The following NEK10 variants were observed in gnomAD, a reference collection of about 807,000 sequenced individuals.
The protein encoded by NEK10 is NIMA related kinase 10.
In NEK10, 122 loss-of-function variants were observed where a neutral mutation model predicts 159.8. That is an observed-to-expected ratio of 0.76 (90% CI 0.66 to 0.89). The LOEUF is 0.89. NEK10 is among the 40% of genes least tolerant of loss of function. The pLI, the probability that NEK10 is intolerant of heterozygous loss-of-function variation, is 0.00. For missense variants in NEK10, 1,342 were observed against 1,323.1 expected, an observed-to-expected ratio of 1.01 and a Z score of -0.22; for synonymous variants, 466 against 457.1, an observed-to-expected ratio of 1.02 and a Z score of -0.25.
rs140858574 is a variant in NEK10, at chr3:27,364,562, T to C, written c.-38+4663A>G. On this transcript the variant is annotated intron_variant, in intron 1 of 35. Coordinates refer to ENST00000691995, the MANE Select transcript of NEK10 (RefSeq NM_001394966.1). ...TTTTAAATCATTTGTCTATATTCAT[T>C]GACTTTGACTCATTAATGAAAAATA... 7.6e-3 allele frequency among the ~76,000 whole-genome samples: 1,160 copies of C among 152,334 alleles called. 21 individuals are homozygous for C. The highest frequency in any genetic ancestry group is 0.026 in the African/African-American group (1,084 of 41,568).
At chr3:27,152,456 C>T (rs899887545) in intron 30 of NEK10, among the ~76,000 whole-genome samples, 4 of 152,084 alleles carry the variant, frequency 2.6e-5, no homozygotes, top group African/African-American at 4.8e-5. Context: ...GAGAATTCAC[C>T]ACTACCAAGC....
chr3:27,278,789 G>C, intron 22 of NEK10: 1 of 985,298 alleles, frequency 1.0e-6, no homozygotes, highest in Non-Finnish European at 1.2e-6. Context: ...TGGGTTCAAG[G>C]GTAAGTTCAG....
intron 32 of NEK10, among the ~76,000 whole-genome samples, chr3:27,120,497 A>AC (rs1553635048): frequency 1.4e-5 from 2 of 143,346 alleles, no homozygotes; most frequent in African/African-American, 5.2e-5. Context: ...TAATTTTTGT[A>AC]TTTTTTTTTT....
chr3:27,148,746 C>T (rs1944543330), intron 30 of NEK10, among the ~76,000 whole-genome samples: 1 of 152,160 alleles, frequency 6.6e-6, no homozygotes, highest in South Asian at 2.1e-4. Context: ...TCCCTTTACT[C>T]CTACCAGAGA....
chr3:27,196,743 T>C (rs1189478628), intron 25 of NEK10, among the ~76,000 whole-genome samples: 1 of 152,200 alleles, frequency 6.6e-6, no homozygotes, highest in Non-Finnish European at 1.5e-5. Context: ...CCTCGCCCTT[T>C]GTGGCACTCA....
At chr3:27,301,856 C>T (rs150607349) in intron 12 of NEK10, 21 bp from the exon 13 acceptor site, 1 of 1,538,720 alleles carries the variant, frequency 6.5e-7, no homozygotes, top group Non-Finnish European at 8.8e-7. Flanking sequence ...AAAGTTAATG[C>T]ATAGACCATT....
At chr3:27,226,358 A>AAAG (rs1559646067) in intron 23 of NEK10, among the ~76,000 whole-genome samples, 27 of 152,064 alleles carry the variant, frequency 1.8e-4, no homozygotes, top group Middle Eastern at 3.4e-3. Flanking sequence ...GTTTTTAAAA[A>AAAG]AAAGAAAGAA....
intron 29 of NEK10, among the ~76,000 whole-genome samples, chr3:27,168,886 T>C (rs182197740): frequency 2.0e-5 from 3 of 152,344 alleles, no homozygotes; most frequent in African/African-American, 7.2e-5. Context: ...TACCCCTGTT[T>C]CAATGATCTT....
chr3:27,181,951 A>G (rs1421800393), intron 26 of NEK10, among the ~76,000 whole-genome samples: 2 of 152,216 alleles, frequency 1.3e-5, no homozygotes, highest in Non-Finnish European at 2.9e-5. Context: ...AATTAGACAA[A>G]CTTATTCTAA....
chr3:27,168,264 A>G (rs901658358), intron 29 of NEK10, among the ~76,000 whole-genome samples: 8 of 152,060 alleles, frequency 5.3e-5, no homozygotes, highest in Admixed American at 2.6e-4. Context: ...AGGAAAAAAA[A>G]AAAAGAAAAA....
intron 20 of NEK10, among the ~76,000 whole-genome samples, chr3:27,287,024 C>T (rs2042667963): frequency 6.6e-6 from 1 of 151,374 alleles, no homozygotes; most frequent in East Asian, 1.9e-4. Flanking sequence ...CAGTCATTGC[C>T]TTATGTCTCT....
intron 22 of NEK10, among the ~76,000 whole-genome samples, chr3:27,257,645 G>A (rs538715885): frequency 2.0e-5 from 3 of 152,190 alleles, no homozygotes; most frequent in South Asian, 2.1e-4. Flanking sequence ...TGAAAGACAG[G>A]TATTATCATT....
At chr3:27,185,603 A>C (rs1948542007) in intron 26 of NEK10, among the ~76,000 whole-genome samples, 1 of 152,206 alleles carries the variant, frequency 6.6e-6, no homozygotes, top group Admixed American at 6.5e-5. Flanking sequence ...TTGCCTCGTC[A>C]GTCCCCACAA....
intron 22 of NEK10, among the ~76,000 whole-genome samples, chr3:27,271,424 T>C (rs2041351573): frequency 6.6e-6 from 1 of 152,170 alleles, no homozygotes; most frequent in African/African-American, 2.4e-5. Context: ...GAGCCCACTA[T>C]AATTTTAGCA....
chr3:27,289,677 C>T (rs552159639), intron 19 of NEK10, among the ~76,000 whole-genome samples: 9 of 152,118 alleles, frequency 5.9e-5, no homozygotes. Context: ...GGTCAAAAGC[C>T]CTGTTCTAGC....
Position 27,346,216 on chromosome 3 carries a change from G to A in NEK10, c.133C>T (p.Leu45Phe). 6.2e-7 allele frequency: 1 copy of A among 1,613,618 alleles called. No individual in the cohort carries two copies. Among genetic ancestry groups the A allele is most frequent in the Non-Finnish European group, 8.5e-7 (1 of 1,179,622 alleles). ...GCACTATCGAAGTTAATGGCTGGAA[G>A]CTACAGAAATAGAAGCATAGAGTAC... ...LLNVQSSKQQ[L>F]PAINFDSAQN... The change falls in exon 4 of 36, where the codon CTT (leucine) becomes TTT (phenylalanine). Residue 45 changes from leucine to phenylalanine, a missense_variant and splice_region_variant. Coordinates refer to ENST00000691995, the MANE Select transcript of NEK10 (RefSeq NM_001394966.1).
At chr3:27,254,177 G>A (rs537116437) in intron 23 of NEK10, among the ~76,000 whole-genome samples, 239 of 152,300 alleles carry the variant, frequency 1.6e-3, no homozygotes, top group Middle Eastern at 3.4e-3. Flanking sequence ...AACATTATGA[G>A]ATTTTGGTTT....
At chr3:27,256,396 A>G in intron 22 of NEK10, 25 bp from the exon 23 acceptor site, 1 of 1,449,952 alleles carries the variant, frequency 6.9e-7, no homozygotes, top group Middle Eastern at 1.8e-4. Flanking sequence ...ACAACGCAAT[A>G]TGTTACTATA....
chr3:27,271,615 TC>T (rs1451473883), intron 22 of NEK10, among the ~76,000 whole-genome samples: 1 of 152,146 alleles, frequency 6.6e-6, no homozygotes, highest in Non-Finnish European at 1.5e-5. Flanking sequence ...TGGACAGATA[TC>T]CATAAAAACA....
Sources: gnomAD v4.1 joint callset for allele counts (sites outside exome capture counted in the v4.1 genomes callset) on GRCh38, gnomAD v4.1.1 for gene constraint, MANE v1.5 for transcripts, NCBI Gene and HGNC (gene_info 2026-07-23, HGNC 2026-07-21) for gene names.